PPP1R15B: variants seen among roughly 807,000 people sequenced by gnomAD.
The protein encoded by PPP1R15B is protein phosphatase 1 regulatory subunit 15B.
PPP1R15B carries 31 observed loss-of-function variants against 53.9 expected under a neutral mutation model. That is an observed-to-expected ratio of 0.58 (90% confidence interval 0.43 to 0.78). The LOEUF is 0.78. PPP1R15B is among the 30% of genes least tolerant of loss of function. PPP1R15B has a pLI of 0.00. For synonymous variants in PPP1R15B, 345 were observed against 329.1 expected (o/e 1.05, Z -0.52); for missense variants, 928 against 849.6 (o/e 1.09, Z -1.15).
intron 1 of PPP1R15B, 41 bp downstream of exon 1, chr1:204,409,451 A>T: frequency 6.4e-7 from 1 of 1,559,176 alleles, no homozygotes; most frequent in African/African-American, 1.4e-5. Context: ...ATATAAAAAC[A>T]GTCAGAACAT....
downstream of PPP1R15B, among the ~76,000 whole-genome samples, chr1:204,401,154 T>A (rs776190711): frequency 1.3e-5 from 2 of 152,204 alleles, no homozygotes; most frequent in Non-Finnish European, 2.9e-5. Flanking sequence ...GTAGAATGAG[T>A]TAGTTCTCTT....
rs1320664294 is a variant in PPP1R15B at position 204,411,753 on chromosome 1, C to A, written c.-342G>T. On this transcript the variant is annotated 5_prime_UTR_variant, in exon 1 of 2. The change creates a new upstream start codon in the 5' untranslated region. Coordinates refer to ENST00000367188, the MANE Select transcript of PPP1R15B (RefSeq NM_032833.5). ...CGACTGACAGAGGGTTGAAAAGCCC[C>A]TGAGCAACGCGATACCGGAAGGACT... 8.5e-6 allele frequency: 3 copies of A among 353,970 alleles called. No homozygotes were observed. The highest frequency in any genetic ancestry group is 2.1e-5 in the African/African-American group (1 of 47,208). 21.9% of individuals were successfully genotyped at this position (353,970 alleles called of 1,614,324 possible).
chr1:204,411,694 T>A lies in PPP1R15B; in HGVS notation c.-283A>T. 3.8e-6 allele frequency: 2 copies of A among 524,274 alleles called. No homozygotes were observed. The highest frequency in any genetic ancestry group is 6.8e-6 in the Non-Finnish European group (2 of 294,292). 32.5% of individuals were successfully genotyped at this position (524,274 alleles called of 1,614,324 possible). On this transcript the variant is annotated 5_prime_UTR_variant, in exon 1 of 2. Transcript: ENST00000367188. Reference sequence around the variant, plus strand: ...CGGCTCGACGCTTCAACACCATGGATAGGAGTCCCCCCACGGCCTCGGCGA... The same window carrying A: ...CGGCTCGACGCTTCAACACCATGGAAAGGAGTCCCCCCACGGCCTCGGCGA...
rs904672932 is a variant in PPP1R15B, at chr1:204,409,507, A to G, written c.1905T>C (p.His635=). 1 of 1,606,170 alleles carries G rather than the reference A, an allele frequency of 6.2e-7. No individual in the cohort carries two copies. The highest frequency in any genetic ancestry group is 8.5e-7 in the Non-Finnish European group (1 of 1,177,036). The change falls in exon 1 of 2, where the codon CAT becomes CAC. Residue 635 remains histidine (H), a synonymous_variant. Coordinates refer to ENST00000367188, the MANE Select transcript of PPP1R15B (RefSeq NM_032833.5). ...RDVLSGGRHT[H]VKRKKVTFLE... is the part of the protein sequence containing the mutation. ...AGAAACAAACCTTTTTTCTTTTGAC[A>G]TGTGTGTGTCTTCCTCCAGAAAGAA...
rs781333131 is a variant in PPP1R15B at position 204,406,042 on chromosome 1, C to A, written c.*50G>T. On this transcript the variant is annotated 3_prime_UTR_variant, in exon 2 of 2. Coordinates refer to ENST00000367188, the MANE Select transcript of PPP1R15B (RefSeq NM_032833.5). Reference sequence around the variant, plus strand: ...TGCCAAGATTTGTTTTTAAAAGACACCTCTCAGGTAAGAGGTAGTGTATGC... The same window carrying A: ...TGCCAAGATTTGTTTTTAAAAGACAACTCTCAGGTAAGAGGTAGTGTATGC... 2 of 1,576,888 alleles carry A rather than the reference C, an allele frequency of 1.3e-6. No individual in the cohort carries two copies. The highest frequency in any genetic ancestry group is 1.1e-5 in the South Asian group (1 of 87,136).
rs761574666 is a variant in PPP1R15B at position 204,410,163 on chromosome 1, C to G, written c.1249G>C (p.Ala417Pro). The G allele has an allele frequency of 1.2e-6, 2 of 1,613,896 alleles. No individual in the cohort carries two copies. Among genetic ancestry groups the G allele is most frequent in the Non-Finnish European group, 1.7e-6 (2 of 1,180,018 alleles). Residue 417 changes from alanine (A) to proline (P), a missense_variant, in exon 1 of 2, where the codon GCC becomes CCC. By Grantham distance (27) the Ala-to-Pro change is conservative. Transcript: ENST00000367188. ...SYLEGDLPIS[A>P]RPACSNKLID... is the part of the protein sequence containing the mutation. ...AGTTTGTTACTACAAGCTGGTCTGG[C>G]AGAAATGGGAAGGTCACCTTCTAGG... is the stretch of plus-strand genomic sequence containing the variant.
In PPP1R15B at chr1:204,403,847, C is replaced by T. The variant is rs891120199; in HGVS notation, c.*2245G>A. On this transcript the variant is annotated 3_prime_UTR_variant, in exon 2 of 2. Coordinates refer to ENST00000367188, the MANE Select transcript of PPP1R15B (RefSeq NM_032833.5). ...AAATAGTCCTTTCTGTCCTTCTTAT[C>T]ACCTTCTGATCACTTCTTCCAAGGA... 4 of 985,688 alleles carry T rather than the reference C, an allele frequency of 4.1e-6. No individual in the cohort carries two copies. The African/African-American group carries it at 7.0e-5, about 17-fold the overall frequency. 61.1% of individuals were successfully genotyped at this position (985,688 alleles called of 1,614,324 possible).
downstream of PPP1R15B, among the ~76,000 whole-genome samples, chr1:204,402,168 ATTGT>A (rs899474701): frequency 2.6e-5 from 4 of 152,166 alleles, no homozygotes; most frequent in South Asian, 2.1e-4. Context: ...TGTACTAAAT[ATTGT>A]TTAACTGCAA....
rs1558214995 is a variant in PPP1R15B at position 204,405,862 on chromosome 1, CA to C, written c.*229del. 7.8e-7 allele frequency: 1 copy of C among 1,275,752 alleles called. No homozygotes were observed. Among genetic ancestry groups the C allele is most frequent in the Non-Finnish European group, 9.9e-7 (1 of 1,007,756 alleles). 79.0% of individuals were successfully genotyped at this position (1,275,752 alleles called of 1,614,324 possible). On this transcript the variant is annotated 3_prime_UTR_variant, in exon 2 of 2. Transcript: ENST00000367188. ...CATTTAAAAGCACATCCAACTAAAT[CA>C]AAAAAGGGAGGATTAGAAATCACAC...
chr1:204,396,223 A>C (rs1674098597), downstream of PPP1R15B, among the ~76,000 whole-genome samples: 1 of 152,076 alleles, frequency 6.6e-6, no homozygotes, highest in Non-Finnish European at 1.5e-5. Flanking sequence ...AAAGCAGATC[A>C]AAGGCCAGAC....
Position 204,410,835 on chromosome 1 carries a change from G to C in PPP1R15B, c.577C>G (p.Arg193Gly). The C allele has an allele frequency of 6.2e-7, 1 of 1,614,214 alleles. No individual in the cohort carries two copies. Among genetic ancestry groups the C allele is most frequent in the Middle Eastern group, 1.6e-4 (1 of 6,062 alleles). The change falls in exon 1 of 2, where the codon CGT (arginine) becomes GGT (glycine). Residue 193 changes from arginine to glycine, a missense_variant. Physicochemically the swap from Arg to Gly is moderately radical, Grantham distance 125. Transcript: ENST00000367188. ...CCAAGTTCCCGGTTAGAGTACAGAC[G>C]GGATTGAAGGCTACTGGGCAACAGC... ...VELLPSSLQSRLYSNRELGSS... is the reference protein window; with the variant it reads ...VELLPSSLQSGLYSNRELGSS...
chr1:204,397,455 C>T (rs562760527), downstream of PPP1R15B, among the ~76,000 whole-genome samples: 2 of 151,306 alleles, frequency 1.3e-5, no homozygotes, highest in Non-Finnish European at 2.9e-5. Flanking sequence ...GAGCCCAGGA[C>T]GCGGAGGTTA....
intron 1 of PPP1R15B, 84 bp from the exon 2 acceptor site, chr1:204,406,397 C>T: frequency 2.0e-6 from 3 of 1,483,764 alleles, no homozygotes; most frequent in Non-Finnish European, 2.7e-6. Context: ...GCTACCAATT[C>T]TTTCAGAATA....
chr1:204,396,654 T>C (rs1383466949), downstream of PPP1R15B, among the ~76,000 whole-genome samples: 1 of 152,008 alleles, frequency 6.6e-6, no homozygotes, highest in Non-Finnish European at 1.5e-5. Flanking sequence ...ACTTTCTGGG[T>C]GATGGAAATG....
Position 204,410,907 on chromosome 1 carries a change from G to T in PPP1R15B, c.505C>A (p.Pro169Thr), listed in dbSNP as rs781336291. ...TCTAAGAGAAAAGCCTGTGCTGCAGGGTCCAAAGCACTTCCCTTGGCCTTA... is the reference window on the plus strand; with the variant it reads ...TCTAAGAGAAAAGCCTGTGCTGCAGTGTCCAAAGCACTTCCCTTGGCCTTA... ...ELKAKGSALD[P>T]AAQAFLLEQQ... Residue 169 changes from proline to threonine, a missense_variant, in exon 1 of 2, where the codon CCT (proline) becomes ACT (threonine). By Grantham distance (38) the Pro-to-Thr change is conservative (BLOSUM62 -1). Transcript: ENST00000367188. 2 of 1,613,878 alleles carry T rather than the reference G, an allele frequency of 1.2e-6. No individual in the cohort carries two copies.
chr1:204,399,475 G>A (rs938030239), downstream of PPP1R15B, among the ~76,000 whole-genome samples: 16 of 151,864 alleles, frequency 1.1e-4, no homozygotes, highest in East Asian at 3.9e-4. Flanking sequence ...CAGGAGAATC[G>A]CTGGAGCCTG....
In PPP1R15B at chr1:204,409,838, T is replaced by C. The variant is rs1453923202; in HGVS notation, c.1574A>G (p.Gln525Arg). Residue 525 changes from glutamine to arginine, a missense_variant, in exon 1 of 2, where the codon CAG becomes CGG. Physicochemically the swap from Gln to Arg is conservative, Grantham distance 43 (BLOSUM62 1). Coordinates refer to ENST00000367188, the MANE Select transcript of PPP1R15B (RefSeq NM_032833.5). ...SGKSDLENSS[Q>R]SGSLPETPEH... ...AGGGGTCTCAGGAAGGCTTCCAGAC[T>C]GGGAGGAATTCTCTAGATCAGACTT... The C allele has an allele frequency of 7.4e-6, 12 of 1,614,150 alleles. No individual in the cohort carries two copies. The South Asian group carries it at 7.7e-5, about 10-fold the overall frequency.
At position 204,411,028 on chromosome 1, in the gene PPP1R15B, C is replaced by G; in HGVS notation, c.384G>C (p.Gln128His). Reference protein sequence around the residue: ...PTAQKSLSSLQLDSSDPSVTS... With the variant: ...PTAQKSLSSLHLDSSDPSVTS... ...TGACCGAGGGGTCTGAGGAGTCGAG[C>G]TGCAGCGAACTCAAAGATTTCTGCG... Residue 128 changes from glutamine (Q) to histidine (H), a missense_variant, in exon 1 of 2, where the codon CAG (glutamine) becomes CAC (histidine). By Grantham distance (24) the Gln-to-His change is conservative (BLOSUM62 0). Coordinates refer to ENST00000367188, the MANE Select transcript of PPP1R15B (RefSeq NM_032833.5). 1 of 1,614,176 alleles carries G rather than the reference C, an allele frequency of 6.2e-7. No homozygotes were observed. The highest frequency in any genetic ancestry group is 1.3e-5 in the African/African-American group (1 of 75,064).
chr1:204,410,512 C>A lies in PPP1R15B; in HGVS notation c.900G>T (p.Arg300=). 1.2e-6 allele frequency: 2 copies of A among 1,614,134 alleles called. No homozygotes were observed. Among genetic ancestry groups the A allele is most frequent in the Non-Finnish European group, 1.7e-6 (2 of 1,180,028 alleles). The change falls in exon 1 of 2, where the codon CGG becomes CGT. Residue 300 remains arginine, a synonymous_variant. Transcript: ENST00000367188. ...TGCTAGCCTGTTGAAGGAATTCCAG[C>A]CGTTTCATGCGAAGATGGTGAATTT... The part of the protein sequence containing the change: ...LPEIHHLRMK[R]LEFLQQASKG...
Sources: allele counts gnomAD v4.1 joint callset (sites outside exome capture counted in the v4.1 genomes callset), GRCh38; gene constraint gnomAD v4.1.1; transcripts MANE v1.5; gene names NCBI Gene and HGNC (gene_info 2026-07-23, HGNC 2026-07-21).